Variants in CPNE3 observed in about 807,000 individuals in gnomAD.
CPNE3 encodes copine 3.
In CPNE3, 68 loss-of-function variants were observed where a neutral mutation model predicts 63.9. That is an observed-to-expected ratio of 1.06 (90% CI 0.87 to 1.30). CPNE3 has a LOEUF of 1.30. Ranked by LOEUF, CPNE3 falls within the 50% of genes most tolerant of loss-of-function variation. CPNE3 has a pLI of 0.00. For missense variants in CPNE3, 665 were observed against 578.1 expected (o/e 1.15, Z -1.54); for synonymous variants, 219 against 197.5 (o/e 1.11, Z -0.91).
intron 2 of CPNE3, among the ~76,000 whole-genome samples, chr8:86,522,704 G>T (rs530758181): frequency 6.6e-6 from 1 of 152,080 alleles, no homozygotes; most frequent in African/African-American, 2.4e-5. Context: ...TTTCAATAGC[G>T]GTCAGGCAGG....
At position 86,558,643 on chromosome 8, in the gene CPNE3, A is replaced by T. The variant is rs1361090702; in HGVS notation, c.*233A>T. 1 of 424,682 alleles carries T rather than the reference A, an allele frequency of 2.4e-6. No homozygotes were observed. Among genetic ancestry groups the T allele is most frequent in the Non-Finnish European group, 4.3e-6 (1 of 232,972 alleles). The allele number at this position is 424,682 out of a possible 1,614,324, so 26.3% of individuals were successfully genotyped here. ...ATAGCAATTTACATTAATTGCAGTAAAGCTCTTTGGATTAGAAATTAGTGT... is the reference window on the plus strand; with the variant it reads ...ATAGCAATTTACATTAATTGCAGTATAGCTCTTTGGATTAGAAATTAGTGT... On this transcript the variant is annotated 3_prime_UTR_variant, in exon 17 of 17. Coordinates refer to ENST00000517490, the MANE Select transcript of CPNE3 (RefSeq NM_003909.5).
At chr8:86,524,292 C>A (rs1820493916) in intron 2 of CPNE3, among the ~76,000 whole-genome samples, 1 of 152,106 alleles carries the variant, frequency 6.6e-6, no homozygotes, top group African/African-American at 2.4e-5. Flanking sequence ...TGGGAATGAC[C>A]AGATGCCTTA....
chr8:86,560,594 T>G lies in CPNE3; in HGVS notation c.*2184T>G, dbSNP rs1821417732. The G allele has an allele frequency of 5.8e-5, 2 of 34,484 alleles. No homozygotes were observed. The highest frequency in any genetic ancestry group is 1.1e-4 in the Non-Finnish European group (2 of 17,542). The allele number at this position is 34,484 out of a possible 1,614,324, so 2.1% of individuals were successfully genotyped here. On this transcript the variant is annotated 3_prime_UTR_variant, in exon 17 of 17. Coordinates refer to ENST00000517490, the MANE Select transcript of CPNE3 (RefSeq NM_003909.5). ...TATCAGAATTATTCTATTTTAAAAT[T>G]GTTTTAAAATTTAAAACATTTAATT...
intron 12 of CPNE3, 56 bp downstream of exon 12, chr8:86,548,490 G>A: frequency 6.2e-7 from 1 of 1,607,826 alleles, no homozygotes; most frequent in Non-Finnish European, 8.5e-7. Context: ...CCCAGAAAGG[G>A]TAGTTTGTTT....
rs1181801254 is a variant in CPNE3 at position 86,560,887 on chromosome 8, C to T, written c.*2477C>T. ...AAGAAAAATTACCCATATTGACTTTCACACCTCATATAATCAGATCTATTA... is the reference window on the plus strand; with the variant it reads ...AAGAAAAATTACCCATATTGACTTTTACACCTCATATAATCAGATCTATTA... On this transcript the variant is annotated 3_prime_UTR_variant, in exon 17 of 17. Transcript: ENST00000517490. 6.6e-6 allele frequency: 1 copy of T among 152,168 alleles called. No homozygotes were observed. The highest frequency in any genetic ancestry group is 1.5e-5 in the Non-Finnish European group (1 of 68,036). The allele number at this position is 152,168 out of a possible 1,614,324, so 9.4% of individuals were successfully genotyped here.
chr8:86,521,551 G>A (rs1022085804), intron 2 of CPNE3: 2 of 151,974 alleles, frequency 1.3e-5, no homozygotes, highest in African/African-American at 4.8e-5. Flanking sequence ...AATCATAATT[G>A]TTTACATCTA....
intron 2 of CPNE3, among the ~76,000 whole-genome samples, chr8:86,518,563 G>A (rs72690442): frequency 6.6e-6 from 1 of 151,794 alleles, no homozygotes; most frequent in African/African-American, 2.4e-5. Flanking sequence ...GCTTTGCCAA[G>A]ATGCATGTTC....
At chr8:86,522,361 A>G (rs1429520084) in intron 2 of CPNE3, among the ~76,000 whole-genome samples, 2 of 152,052 alleles carry the variant, frequency 1.3e-5, no homozygotes, top group East Asian at 1.9e-4. Flanking sequence ...TGTTTTATGA[A>G]TGGGTCTCCC....
chr8:86,547,962 A>T (rs1384247851), intron 11 of CPNE3, among the ~76,000 whole-genome samples, 192 bp downstream of exon 11: 3 of 152,206 alleles, frequency 2.0e-5, no homozygotes, highest in Non-Finnish European at 4.4e-5. Context: ...CTTCCTCCTG[A>T]GAGAAAGCAG....
At chr8:86,528,452 A>G in intron 2 of CPNE3, 84 bp from the exon 3 acceptor site, 10 of 1,490,946 alleles carry the variant, frequency 6.7e-6, no homozygotes, top group Non-Finnish European at 9.2e-6. Context: ...ATTGGTCTTA[A>G]GAAGTCACCT....
intron 4 of CPNE3, among the ~76,000 whole-genome samples, chr8:86,530,817 G>T (rs190505984): frequency 6.6e-6 from 1 of 151,204 alleles, no homozygotes; most frequent in Non-Finnish European, 1.5e-5. Context: ...TCAGTATCCC[G>T]AGTAGCTGGG....
rs182296176 is a variant in CPNE3 at position 86,559,466 on chromosome 8, C to T, written c.*1056C>T. On this transcript the variant is annotated 3_prime_UTR_variant, in exon 17 of 17. Coordinates refer to ENST00000517490, the MANE Select transcript of CPNE3 (RefSeq NM_003909.5). ...ACCATTTTCATCTGATTTTTAAACT[C>T]ACGATACCAGTTATCTGTTAATCAA... is the stretch of plus-strand genomic sequence containing the variant. The T allele has an allele frequency of 1.3e-5, 2 of 152,244 alleles. No homozygotes were observed. The allele number at this position is 152,244 out of a possible 1,614,324, so 9.4% of individuals were successfully genotyped here. A position where few individuals can be genotyped will look rare whatever the true frequency, so the allele number is the denominator to read the frequency against.
chr8:86,536,293 C>T (rs528318549), intron 6 of CPNE3, among the ~76,000 whole-genome samples: 1 of 145,380 alleles, frequency 6.9e-6, no homozygotes, highest in African/African-American at 2.6e-5. Flanking sequence ...CTTGCATAAA[C>T]ATAGCATACT....
chr8:86,526,184 C>T (rs3903247), intron 2 of CPNE3, among the ~76,000 whole-genome samples: 47,628 of 151,356 alleles, frequency 0.31, 8,914 homozygotes, highest in Middle Eastern at 0.45. Flanking sequence ...GCTGAGATCG[C>T]GCCACTGCAG....
chr8:86,520,536 A>G (rs935200092), intron 2 of CPNE3, among the ~76,000 whole-genome samples: 1 of 151,126 alleles, frequency 6.6e-6, no homozygotes, highest in Non-Finnish European at 1.5e-5. Flanking sequence ...CATGGGCGAC[A>G]AGAGTGAAAG....
In CPNE3 at chr8:86,558,530, A is replaced by C; in HGVS notation, c.*120A>C. Reference sequence around the variant, plus strand: ...ATTTATGATGTAAATCTCTTTCTCTATGGATTATATCTGTTTAAAGCATTC... The same window carrying C: ...ATTTATGATGTAAATCTCTTTCTCTCTGGATTATATCTGTTTAAAGCATTC... On this transcript the variant is annotated 3_prime_UTR_variant, in exon 17 of 17. Coordinates refer to ENST00000517490, the MANE Select transcript of CPNE3 (RefSeq NM_003909.5). 2.6e-6 allele frequency: 2 copies of C among 774,852 alleles called. No individual in the cohort carries two copies. The highest frequency in any genetic ancestry group is 4.6e-6 in the Non-Finnish European group (2 of 436,630). 48.0% of individuals were successfully genotyped at this position (774,852 alleles called of 1,614,324 possible).
intron 12 of CPNE3, among the ~76,000 whole-genome samples, chr8:86,548,869 A>C (rs908209455): frequency 2.6e-4 from 39 of 152,160 alleles, no homozygotes; most frequent in African/African-American, 8.9e-4. Context: ...ACTAAATACT[A>C]TTTATGTTAA....
At chr8:86,546,902 G>C (rs1039167084) in intron 10 of CPNE3, among the ~76,000 whole-genome samples, 2 of 152,078 alleles carry the variant, frequency 1.3e-5, no homozygotes, top group Admixed American at 6.6e-5. Context: ...GTGGAGACAG[G>C]GTTTCACCAT....
chr8:86,554,910 C>T lies in CPNE3; in HGVS notation c.1180C>T (p.Pro394Ser), dbSNP rs776243927. The T allele has an allele frequency of 4.3e-6, 7 of 1,614,106 alleles. No individual in the cohort carries two copies. In the East Asian group the frequency reaches 1.6e-4, roughly 36 times the overall value. ...TCTTCCTCAGATAAAACTCTATGGA[C>T]CAACTAATTTTTCTCCAATCATAAA... ...SCLPQIKLYGPTNFSPIINHV... is the reference protein window; with the variant it reads ...SCLPQIKLYGSTNFSPIINHV... Residue 394 changes from proline (P) to serine (S), a missense_variant, in exon 15 of 17, where the codon CCA becomes TCA. Physicochemically the swap from Pro to Ser is moderately conservative, Grantham distance 74. Transcript: ENST00000517490.
Sources: allele counts gnomAD v4.1 joint callset (sites outside exome capture counted in the v4.1 genomes callset), GRCh38; gene constraint gnomAD v4.1.1; transcripts MANE v1.5; gene names NCBI Gene and HGNC (gene_info 2026-07-23, HGNC 2026-07-21).